The following OPCML variants were observed in gnomAD, a reference collection of about 807,000 sequenced individuals.
OPCML encodes the protein opioid binding protein/cell adhesion molecule like.
A neutral mutation model predicts 37.8 loss-of-function variants in OPCML; 13 were observed. The ratio of observed to expected loss-of-function variants is 0.34; its 90% confidence interval spans 0.22 to 0.55. The LOEUF is 0.55. Among genes scored for constraint, OPCML ranks in the 20% least tolerant of loss-of-function variants. OPCML has a pLI of 0.91. For synonymous variants in OPCML, 176 were observed against 168.8 expected (o/e 1.04, Z -0.33); for missense variants, 341 against 435.6 (o/e 0.78, Z 1.93).
chr11:133,181,609 C>A (rs1479261036), intron 1 of OPCML, among the ~76,000 whole-genome samples: 1 of 152,162 alleles, frequency 6.6e-6, no homozygotes, highest in Non-Finnish European at 1.5e-5. Context: ...CAGGCTGGAT[C>A]TCAGCTACTG....
intron 4 of OPCML, among the ~76,000 whole-genome samples, chr11:132,472,340 G>A (rs917089730): frequency 1.3e-5 from 2 of 152,128 alleles, no homozygotes; most frequent in Non-Finnish European, 2.9e-5. Flanking sequence ...ATGTGCAAAT[G>A]GTTCTAGTTT....
At chr11:132,560,059 T>C (rs924531869) in intron 3 of OPCML, among the ~76,000 whole-genome samples, 4 of 152,218 alleles carry the variant, frequency 2.6e-5, no homozygotes, top group African/African-American at 9.6e-5. Context: ...AAAATATAGA[T>C]TTGAATCAAT....
At chr11:132,910,355 C>T (rs778627426) in intron 2 of OPCML, among the ~76,000 whole-genome samples, 2 of 152,246 alleles carry the variant, frequency 1.3e-5, no homozygotes, top group Admixed American at 1.3e-4. Flanking sequence ...CCTGCAGCTC[C>T]ACAGAGCAGT....
chr11:132,437,905 G>A (rs2096018529), intron 4 of OPCML, among the ~76,000 whole-genome samples: 1 of 152,144 alleles, frequency 6.6e-6, no homozygotes, highest in East Asian at 1.9e-4. Flanking sequence ...CACCTGTGTT[G>A]GAGAAGATAG....
intron 3 of OPCML, among the ~76,000 whole-genome samples, chr11:132,635,872 G>A (rs1275271903): frequency 1.3e-5 from 2 of 152,150 alleles, no homozygotes; most frequent in African/African-American, 4.8e-5. Context: ...AGCGGCAGGA[G>A]GTTGAACTTC....
intron 1 of OPCML, among the ~76,000 whole-genome samples, chr11:133,375,273 A>C (rs1388446662): frequency 6.6e-6 from 1 of 152,216 alleles, no homozygotes; most frequent in Non-Finnish European, 1.5e-5. Context: ...TTACATACAT[A>C]AGTATATACC....
chr11:132,644,493 AG>A (rs578015021), intron 3 of OPCML, among the ~76,000 whole-genome samples: 129 of 149,824 alleles, frequency 8.6e-4, no homozygotes, highest in Non-Finnish European at 1.7e-3. Flanking sequence ...AAAATAAGAA[AG>A]AAAAAAAATT....
intron 7 of OPCML, among the ~76,000 whole-genome samples, chr11:132,429,298 C>A (rs1487958042): frequency 6.6e-6 from 1 of 152,170 alleles, no homozygotes; most frequent in East Asian, 1.9e-4. Flanking sequence ...TGTCACTTGG[C>A]CCTGCTGTGG....
intron 1 of OPCML, among the ~76,000 whole-genome samples, chr11:133,468,660 C>A (rs1947030636): frequency 6.6e-6 from 1 of 152,184 alleles, no homozygotes; most frequent in Admixed American, 6.5e-5. Context: ...CTTGCGGGCA[C>A]CTTGGCCCCA....
intron 4 of OPCML, among the ~76,000 whole-genome samples, chr11:132,513,936 A>G (rs535183965): frequency 6.6e-6 from 1 of 152,232 alleles, no homozygotes; most frequent in Non-Finnish European, 1.5e-5. Context: ...AACACAGTAC[A>G]TAACACGTAG....
At chr11:132,458,341 A>T (rs2096089475) in intron 4 of OPCML, among the ~76,000 whole-genome samples, 1 of 152,210 alleles carries the variant, frequency 6.6e-6, no homozygotes. Context: ...ACCACAGTGA[A>T]CACACCCCTG....
At chr11:132,514,290 G>A (rs1301865420) in intron 4 of OPCML, among the ~76,000 whole-genome samples, 1 of 152,150 alleles carries the variant, frequency 6.6e-6, no homozygotes, top group Non-Finnish European at 1.5e-5. Context: ...AAAATCAGAA[G>A]TTGAGACAGT....
chr11:132,852,226 C>T (rs1338215609), intron 2 of OPCML, among the ~76,000 whole-genome samples: 2 of 152,094 alleles, frequency 1.3e-5, no homozygotes, highest in Non-Finnish European at 2.9e-5. Flanking sequence ...TAGCTAGGCC[C>T]ACATTTTTAA....
intron 1 of OPCML, among the ~76,000 whole-genome samples, chr11:133,384,934 G>C (rs1016000294): frequency 1.3e-5 from 2 of 152,242 alleles, no homozygotes. Context: ...AAAGCACTGC[G>C]TTGGAGGGGA....
chr11:132,877,366 T>C (rs1191806634), intron 2 of OPCML, among the ~76,000 whole-genome samples: 2 of 152,120 alleles, frequency 1.3e-5, no homozygotes, highest in Non-Finnish European at 2.9e-5. Flanking sequence ...TAACAGAGAA[T>C]CAAATCATGG....
intron 3 of OPCML, among the ~76,000 whole-genome samples, chr11:132,577,571 A>C (rs1302157387): frequency 6.6e-6 from 1 of 152,128 alleles, no homozygotes; most frequent in Admixed American, 6.5e-5. Flanking sequence ...TACCCTACCG[A>C]AAGGTAACAC....
intron 4 of OPCML, among the ~76,000 whole-genome samples, chr11:132,471,191 G>T (rs2096137014): frequency 6.6e-6 from 1 of 152,130 alleles, no homozygotes; most frequent in Non-Finnish European, 1.5e-5. Context: ...AGGAAGAAAG[G>T]TGAGGCCAAA....
chr11:133,208,482 G>T lies in OPCML; in HGVS notation c.62-265472C>A, dbSNP rs532587940. ...TCTCTTGATCTCTCAATTTTTGCAT[G>T]AATAGATTTGGATAATAAAGTGCAA... On this transcript the variant is annotated intron_variant, in intron 1 of 7. Transcript: ENST00000524381. This position sits in a 1 kb window ranked among gnomAD's most constrained non-coding sequence, Gnocchi z 8.9. Among the ~76,000 whole-genome samples, 2 of 152,300 alleles carry T rather than the reference G, an allele frequency of 1.3e-5. No individual in the cohort carries two copies. The highest frequency in any genetic ancestry group is 3.4e-3 in the Middle Eastern group (1 of 294).
chr11:133,273,891 A>G (rs769036007), intron 1 of OPCML, among the ~76,000 whole-genome samples: 3 of 152,258 alleles, frequency 2.0e-5, no homozygotes, highest in African/African-American at 7.2e-5. Flanking sequence ...TGACATCTGC[A>G]GTGTGCATAA....
Sources: allele counts gnomAD v4.1 joint callset (sites outside exome capture counted in the v4.1 genomes callset), GRCh38; gene constraint gnomAD v4.1.1; non-coding constraint Gnocchi (gnomAD v3.1); transcripts MANE v1.5; gene names NCBI Gene and HGNC (gene_info 2026-07-23, HGNC 2026-07-21).